Variants in PRKG1 observed in about 807,000 individuals in gnomAD.
The protein encoded by PRKG1 is protein kinase cGMP-dependent 1, also known as cGMP-dependent protein kinase 1.
Under a neutral mutation model 88.1 loss-of-function variants are expected in PRKG1, and 35 were observed. That is an observed-to-expected ratio of 0.40 (90% CI 0.30 to 0.53). The LOEUF is 0.53. Ranked by LOEUF, PRKG1 falls within the 20% of genes least tolerant of loss-of-function variation. PRKG1 has a pLI of 0.59. For synonymous variants in PRKG1, 303 were observed against 292.5 expected (o/e 1.04, Z -0.37); for missense variants, 540 against 839.8 (o/e 0.64, Z 4.41).
intron 5 of PRKG1, chr10:51,909,988 A>C (rs1302954507): frequency 6.6e-6 from 1 of 152,298 alleles, no homozygotes; most frequent in Non-Finnish European, 1.5e-5. Flanking sequence ...AAGGTAGACT[A>C]TCTGGTTACA....
At chr10:51,908,711 C>CTATCTATCTATCTATCTA (rs59212192) in intron 5 of PRKG1, 13 of 144,818 alleles carry the variant, frequency 9.0e-5, no homozygotes, top group Admixed American at 4.8e-4. Flanking sequence ...CTCTCTCTCT[C>CTATCTATCTATCTATCTA]TCTGTCTATC....
chr10:52,220,482 G>A (rs1444162762), intron 9 of PRKG1, among the ~76,000 whole-genome samples: 2 of 151,916 alleles, frequency 1.3e-5, no homozygotes, highest in African/African-American at 4.8e-5. Flanking sequence ...CTTGTGTCAT[G>A]GGGGTATGTC....
At chr10:52,201,446 G>A (rs1001739660) in intron 9 of PRKG1, among the ~76,000 whole-genome samples, 1 of 151,972 alleles carries the variant, frequency 6.6e-6, no homozygotes, top group African/African-American at 2.4e-5. Context: ...TGCTGTTTTG[G>A]TTACTGGATC....
At chr10:52,021,865 G>A (rs952372872) in intron 5 of PRKG1, among the ~76,000 whole-genome samples, 1 of 152,126 alleles carries the variant, frequency 6.6e-6, no homozygotes, top group Admixed American at 6.5e-5. Flanking sequence ...TAAGAGTCAA[G>A]ACTAGGAAAA....
chr10:51,179,423 C>T (rs1837285062), intron 2 of PRKG1, among the ~76,000 whole-genome samples: 1 of 152,200 alleles, frequency 6.6e-6, no homozygotes, highest in African/African-American at 2.4e-5. Flanking sequence ...TAGGTCATAG[C>T]TAATTATCGG....
intron 2 of PRKG1, among the ~76,000 whole-genome samples, chr10:51,164,743 T>G (rs1386564370): frequency 7.2e-5 from 11 of 151,844 alleles, no homozygotes; most frequent in South Asian, 2.1e-4. Flanking sequence ...GAGAACTATG[T>G]GAAGAATGCA....
At chr10:51,699,719 A>T (rs1407795849) in intron 3 of PRKG1, 2 of 656,912 alleles carry the variant, frequency 3.0e-6, no homozygotes, top group Non-Finnish European at 5.2e-6. Context: ...CTAACAACTT[A>T]TCTAATGCTT....
At chr10:51,878,703 T>C (rs1230676320) in intron 4 of PRKG1, among the ~76,000 whole-genome samples, 1 of 152,196 alleles carries the variant, frequency 6.6e-6, no homozygotes, top group Non-Finnish European at 1.5e-5. Flanking sequence ...ACAGTTTCTA[T>C]TGAAGGATTT....
chr10:51,435,421 C>CTGACATATATATATATATATGTCATA (rs1564493576), intron 2 of PRKG1, among the ~76,000 whole-genome samples: 12 of 50,644 alleles, frequency 2.4e-4, no homozygotes, highest in African/African-American at 9.9e-4. Context: ...AGGGACATTA[C>CTGACATATATATATATATATGTCATA]TGACATATAT....
chr10:51,196,558 C>T (rs1837772830), intron 2 of PRKG1, among the ~76,000 whole-genome samples: 1 of 152,108 alleles, frequency 6.6e-6, no homozygotes, highest in Non-Finnish European at 1.5e-5. Flanking sequence ...TTAGAACATA[C>T]ATAAATACTA....
intron 5 of PRKG1, among the ~76,000 whole-genome samples, chr10:51,930,858 A>C (rs1258890237): frequency 6.6e-6 from 1 of 152,220 alleles, no homozygotes; most frequent in African/African-American, 2.4e-5. Flanking sequence ...GTTTTAAAAT[A>C]TTCTCACTTA....
At chr10:51,356,410 A>G (rs1160676889) in intron 2 of PRKG1, among the ~76,000 whole-genome samples, 8 of 152,042 alleles carry the variant, frequency 5.3e-5, no homozygotes, top group African/African-American at 1.7e-4. Flanking sequence ...TGTCCATGCT[A>G]TAGTTATCTG....
intron 1 of PRKG1, among the ~76,000 whole-genome samples, chr10:51,136,563 A>C (rs1422712293): frequency 8.7e-6 from 1 of 115,516 alleles, no homozygotes; most frequent in Non-Finnish European, 1.7e-5. Flanking sequence ...AATGAAGAAC[A>C]TAGAGTTTTT....
chr10:52,193,547 T>TAAAA (rs1839420352), intron 9 of PRKG1, among the ~76,000 whole-genome samples: 1 of 34,188 alleles, frequency 2.9e-5, no homozygotes, highest in African/African-American at 2.2e-4. Flanking sequence ...AGACTCTGTC[T>TAAAA]CAAAAAAAAA....
intron 3 of PRKG1, among the ~76,000 whole-genome samples, chr10:51,738,443 AT>A (rs1423715109): frequency 6.6e-6 from 1 of 152,196 alleles, no homozygotes; most frequent in Admixed American, 6.5e-5. Flanking sequence ...TTTCTCTAAG[AT>A]GGGCATAGTA....
At chr10:51,186,817 G>A (rs1837499578) in intron 2 of PRKG1, among the ~76,000 whole-genome samples, 1 of 151,416 alleles carries the variant, frequency 6.6e-6, no homozygotes, top group African/African-American at 2.4e-5. Flanking sequence ...TTGGTGCAAG[G>A]CACACTTGCC....
At chr10:51,299,034 C>A (rs1840800309) in intron 2 of PRKG1, among the ~76,000 whole-genome samples, 2 of 152,166 alleles carry the variant, frequency 1.3e-5, no homozygotes, top group Admixed American at 6.5e-5. Context: ...ATGACCATTA[C>A]TCCATCTGTC....
At chr10:51,545,223 A>G (rs1394655374) in intron 3 of PRKG1, among the ~76,000 whole-genome samples, 1 of 152,092 alleles carries the variant, frequency 6.6e-6, no homozygotes, top group Non-Finnish European at 1.5e-5. Context: ...CCTTCCCCCA[A>G]TGCCTGCAAT....
chr10:51,977,329 C>A (rs930844226), intron 5 of PRKG1, among the ~76,000 whole-genome samples: 1 of 152,062 alleles, frequency 6.6e-6, no homozygotes, highest in African/African-American at 2.4e-5. Flanking sequence ...CAGAGTATTC[C>A]ATGGTGTATA....
Sources: allele counts gnomAD v4.1 joint callset (sites outside exome capture counted in the v4.1 genomes callset), GRCh38; gene constraint gnomAD v4.1.1; transcripts MANE v1.5; gene names NCBI Gene and HGNC (gene_info 2026-07-23, HGNC 2026-07-21).